The following CHL1 variants were observed in gnomAD, a reference collection of about 807,000 sequenced individuals.
CHL1 encodes cell adhesion molecule L1 like.
In CHL1, 96 loss-of-function variants were observed where a neutral mutation model predicts 141.9. The ratio of observed to expected loss-of-function variants is 0.68; its 90% CI spans 0.57 to 0.80. The LOEUF (loss-of-function observed/expected upper bound fraction) is 0.80, where lower values mean the gene tolerates loss of function less well. Ranked by LOEUF, CHL1 falls within the 30% of genes least tolerant of loss-of-function variation. The pLI is 0.00. For missense variants in CHL1, 1,820 were observed against 1,457.2 expected, an observed-to-expected ratio of 1.25 and a Z score of -4.05; for synonymous variants, 613 against 502.2, an observed-to-expected ratio of 1.22 and a Z score of -2.95.
intron 26 of CHL1, among the ~76,000 whole-genome samples, chr3:399,544 A>G (rs960335864): frequency 8.5e-5 from 13 of 152,100 alleles, no homozygotes; most frequent in African/African-American, 2.9e-4. Context: ...GAAGGCTGAG[A>G]CAGGAGAATC....
intron 1 of CHL1, among the ~76,000 whole-genome samples, chr3:206,992 C>G (rs1436673002): frequency 6.6e-6 from 1 of 152,176 alleles, no homozygotes; most frequent in Non-Finnish European, 1.5e-5. Flanking sequence ...CTCAGCATTG[C>G]TGTTCTTGAA....
At chr3:268,941 T>C (rs1695401520) in intron 2 of CHL1, among the ~76,000 whole-genome samples, 1 of 152,168 alleles carries the variant, frequency 6.6e-6, no homozygotes, top group South Asian at 2.1e-4. Flanking sequence ...TAATTATGAA[T>C]GTTAAAGGGT....
chr3:364,321 T>C (rs3852044), intron 14 of CHL1, among the ~76,000 whole-genome samples: 148,981 of 152,340 alleles, frequency 0.98, 72,923 homozygotes, highest in East Asian at 1. Flanking sequence ...CTGATGTCTT[T>C]TACATTTTCA....
chr3:219,971 T>A (rs1309392661), intron 1 of CHL1, among the ~76,000 whole-genome samples: 13 of 152,210 alleles, frequency 8.5e-5, no homozygotes, highest in Non-Finnish European at 1.5e-5. Context: ...TTCATCTACA[T>A]CATTGAATAA....
intron 2 of CHL1, among the ~76,000 whole-genome samples, chr3:314,331 A>ATG (rs1343618173): frequency 1.4e-4 from 4 of 28,834 alleles, no homozygotes; most frequent in African/African-American, 3.6e-4. Flanking sequence ...CTCTATGTGT[A>ATG]TATATATATA....
chr3:360,246 T>A (rs1463083480), intron 11 of CHL1, 38 bp from the exon 12 acceptor site: 1 of 1,608,864 alleles, frequency 6.2e-7, no homozygotes, highest in South Asian at 1.1e-5. Context: ...TTTTATGTCC[T>A]GTTCCTTATC....
chr3:279,393 C>T (rs1458111340), intron 2 of CHL1, among the ~76,000 whole-genome samples: 2 of 151,634 alleles, frequency 1.3e-5, no homozygotes, highest in East Asian at 3.9e-4. Flanking sequence ...AGTCTTTTTC[C>T]TTCTTCTTAA....
intron 1 of CHL1, among the ~76,000 whole-genome samples, chr3:220,984 A>G (rs557895382): frequency 3.1e-4 from 47 of 152,292 alleles, no homozygotes; most frequent in Non-Finnish European, 5.4e-4. Flanking sequence ...AACCATCCTT[A>G]TCTTAACCAA....
intron 16 of CHL1, among the ~76,000 whole-genome samples, chr3:381,272 T>C (rs1707002509): frequency 6.6e-6 from 1 of 152,122 alleles, no homozygotes; most frequent in Non-Finnish European, 1.5e-5. Flanking sequence ...CCTGATGCGA[T>C]TGAACACAGT....
At chr3:316,832 G>C (rs1161331957) in intron 2 of CHL1, among the ~76,000 whole-genome samples, 1 of 151,746 alleles carries the variant, frequency 6.6e-6, no homozygotes, top group East Asian at 1.9e-4. Flanking sequence ...GCTCCATCCT[G>C]AGTTTCAACA....
chr3:256,537 C>T (rs536612102), intron 2 of CHL1, among the ~76,000 whole-genome samples: 3 of 152,264 alleles, frequency 2.0e-5, no homozygotes, highest in East Asian at 1.9e-4. Flanking sequence ...TAGCTGTTAA[C>T]GCTAATGAGG....
intron 2 of CHL1, among the ~76,000 whole-genome samples, chr3:245,775 C>T (rs2125115428): frequency 6.6e-6 from 1 of 152,116 alleles, no homozygotes; most frequent in Non-Finnish European, 1.5e-5. Flanking sequence ...TTCCTGGTAA[C>T]CCCCAGCGGC....
chr3:353,068 G>A (rs1035981089), intron 10 of CHL1, among the ~76,000 whole-genome samples: 1 of 151,982 alleles, frequency 6.6e-6, no homozygotes, highest in Non-Finnish European at 1.5e-5. Flanking sequence ...TCAGCCCTCT[G>A]TCTGTAAGAT....
chr3:369,576 G>A (rs1488045658), intron 15 of CHL1, among the ~76,000 whole-genome samples: 2 of 152,176 alleles, frequency 1.3e-5, no homozygotes, highest in Non-Finnish European at 2.9e-5. Flanking sequence ...CTTCCTATAT[G>A]AATACCCTTT....
At chr3:345,733 T>C (rs890432732) in intron 9 of CHL1, among the ~76,000 whole-genome samples, 2 of 152,072 alleles carry the variant, frequency 1.3e-5, no homozygotes, top group East Asian at 1.9e-4. Context: ...TCCACCTGAG[T>C]TGGCCTCCCA....
intron 3 of CHL1, 132 bp downstream of exon 3, chr3:319,999 A>C (rs1700435517): frequency 1.7e-6 from 1 of 582,550 alleles, no homozygotes; most frequent in Non-Finnish European, 3.0e-6. Flanking sequence ...ATCTGTCATG[A>C]GAATTCATAT....
intron 15 of CHL1, among the ~76,000 whole-genome samples, chr3:374,416 C>A (rs181269085): frequency 3.9e-5 from 6 of 152,086 alleles, no homozygotes; most frequent in Non-Finnish European, 5.9e-5. Flanking sequence ...CCTGACTATC[C>A]GGGGTCTTCC....
At chr3:345,012 T>TA (rs1702647157) in intron 9 of CHL1, among the ~76,000 whole-genome samples, 1 of 151,984 alleles carries the variant, frequency 6.6e-6, no homozygotes. Context: ...TTAAAATTAA[T>TA]AAAATAAAAT....
chr3:257,604 G>A (rs1447132736), intron 2 of CHL1, among the ~76,000 whole-genome samples: 5 of 151,854 alleles, frequency 3.3e-5, no homozygotes, highest in African/African-American at 4.8e-5. Context: ...CTACTGCCTC[G>A]GCCTCCCTAA....
Sources: gnomAD v4.1 joint callset for allele counts (sites outside exome capture counted in the v4.1 genomes callset) on GRCh38, gnomAD v4.1.1 for gene constraint, MANE v1.5 for transcripts, NCBI Gene and HGNC (gene_info 2026-07-23, HGNC 2026-07-21) for gene names.